Variants in USH1C observed in about 807,000 individuals in gnomAD.
USH1C encodes the protein harmonin.
Under a neutral mutation model 119.3 loss-of-function variants are expected in USH1C, and 90 were observed. That is an observed-to-expected ratio of 0.75 (90% confidence interval 0.64 to 0.90). USH1C has a LOEUF of 0.90. USH1C is among the 40% of genes least tolerant of loss of function. The probability of loss-of-function intolerance (pLI) is 0.00; values close to 1 mark genes in which losing one functional copy is unlikely to be tolerated. For missense variants in USH1C, 1,165 were observed against 1,167.7 expected (o/e 1.00, Z 0.03); for synonymous variants, 465 against 443.3 (o/e 1.05, Z -0.62).
chr11:17,510,099 T>A (rs927051752), intron 17 of USH1C, among the ~76,000 whole-genome samples: 1 of 152,132 alleles, frequency 6.6e-6, no homozygotes, highest in African/African-American at 2.4e-5. Context: ...CAGAGTTCAT[T>A]CTCTAAACTG....
At chr11:17,510,825 T>C (rs1427383154) in intron 16 of USH1C, among the ~76,000 whole-genome samples, 1 of 152,184 alleles carries the variant, frequency 6.6e-6, no homozygotes, top group Non-Finnish European at 1.5e-5. Flanking sequence ...TCTTATGATT[T>C]TCCAAGAATG....
chr11:17,526,710 G>C lies in USH1C; in HGVS notation c.579+43C>G, dbSNP rs761920271. ...TCAGGACCGGCCACCCCTCCTTGAA[G>C]ATGACCCCACCCAAACCCCATCACA... On this transcript the variant is annotated intron_variant, in intron 7 of 26. Transcript: ENST00000005226. 1.9e-6 allele frequency: 3 copies of C among 1,601,422 alleles called. No individual in the cohort carries two copies. In the South Asian group the frequency reaches 3.3e-5, roughly 18 times the overall value.
intron 2 of USH1C, among the ~76,000 whole-genome samples, chr11:17,532,525 C>T (rs1468937843): frequency 6.6e-6 from 1 of 152,110 alleles, no homozygotes; most frequent in African/African-American, 2.4e-5. Context: ...GTCTCTAACT[C>T]TTAGGCTCAA....
At chr11:17,504,464 T>C (rs1849562324) in intron 20 of USH1C, among the ~76,000 whole-genome samples, 183 bp downstream of exon 20, 1 of 152,146 alleles carries the variant, frequency 6.6e-6, no homozygotes, top group Non-Finnish European at 1.5e-5. Flanking sequence ...GGTCCCCATC[T>C]GATATGATAT....
intron 17 of USH1C, 115 bp from the exon 18 acceptor site, chr11:17,509,953 C>T (rs1331196543): frequency 7.8e-6 from 10 of 1,283,360 alleles, no homozygotes; most frequent in East Asian, 7.1e-5. Flanking sequence ...AGACCCACCA[C>T]CCTTACATCA....
At chr11:17,495,473 A>G (rs536064807) in intron 26 of USH1C, 96 bp downstream of exon 26, 10 of 1,276,822 alleles carry the variant, frequency 7.8e-6, no homozygotes, top group Non-Finnish European at 9.1e-6. Context: ...TACCCTCCAG[A>G]CGCCAGTCCA....
rs1452856374 is a variant in USH1C, at chr11:17,509,827, C to A, written c.1542G>T (p.Gly514=). 4.4e-6 allele frequency: 7 copies of A among 1,594,940 alleles called. No homozygotes were observed. The East Asian group carries it at 1.6e-4, about 36-fold the overall frequency. ...ACACAGAAGGCGGGGGAGGCGGGGG[C>A]CCTGTGGTCATCTGGGGGTGTTGCA... ...ADNEISEMTT[G]PPPPPPSVSP... The change falls in exon 18 of 27, where the codon GGG becomes GGT. Residue 514 remains glycine (G), a synonymous_variant. Transcript: ENST00000005226.
Position 17,509,487 on chromosome 11 carries a change from C to A in USH1C, c.1882G>T (p.Glu628Ter). 1 of 1,595,868 alleles carries A rather than the reference C, an allele frequency of 6.3e-7. No homozygotes were observed. Among genetic ancestry groups the A allele is most frequent in the African/African-American group, 1.4e-5 (1 of 72,458 alleles). Reference protein sequence around the residue: ...PTRPLPSALEEALSNHPFRTG... With the variant: ...PTRPLPSALE ...CGGAAGGGATGGTTGCTCAGTGCTT[C>A]TTCCAGCGCCGAGGGCAGTGGGCGG... is the stretch of plus-strand genomic sequence containing the variant. The change falls in exon 18 of 27, where the codon GAA becomes TAA. Residue 628 changes from glutamate (E) to a stop codon, truncating the protein, a stop_gained. Transcript: ENST00000005226. LOFTEE classifies it high-confidence loss of function.
chr11:17,540,689 G>A (rs528937740), intron 1 of USH1C, among the ~76,000 whole-genome samples: 13 of 152,126 alleles, frequency 8.5e-5, no homozygotes, highest in Non-Finnish European at 1.5e-4. Context: ...TTCTACGCTC[G>A]CAGCCAATCC....
At chr11:17,505,720 A>G in intron 19 of USH1C, 110 bp downstream of exon 19, 1 of 1,508,184 alleles carries the variant, frequency 6.6e-7, no homozygotes, top group Non-Finnish European at 9.1e-7. Context: ...GGCATCTGTG[A>G]TCTGCATTTT....
intron 4 of USH1C, among the ~76,000 whole-genome samples, chr11:17,530,090 A>G (rs1850890642): frequency 6.6e-6 from 1 of 152,258 alleles, no homozygotes. Context: ...GGTGTCTGTC[A>G]GCTCCCTGTT....
chr11:17,500,569 C>A (rs79133938), intron 23 of USH1C, among the ~76,000 whole-genome samples: 1,774 of 152,274 alleles, frequency 0.012, 36 homozygotes, highest in African/African-American at 0.041. Flanking sequence ...GGCAAGGTTT[C>A]GGGGGTTTCC....
chr11:17,517,549 A>C, intron 14 of USH1C: 3 of 1,449,644 alleles, frequency 2.1e-6, no homozygotes, highest in Non-Finnish European at 2.8e-6. Flanking sequence ...GAACCTTCTC[A>C]GGAGTTTGGG....
chr11:17,520,033 G>A (rs990722319), intron 14 of USH1C, among the ~76,000 whole-genome samples: 2 of 152,202 alleles, frequency 1.3e-5, no homozygotes, highest in Non-Finnish European at 2.9e-5. Context: ...CAATCAGCTG[G>A]AGTAGGACCT....
intron 22 of USH1C, 82 bp from the exon 23 acceptor site, chr11:17,501,232 A>G (rs1849431207): frequency 8.2e-7 from 1 of 1,222,452 alleles, no homozygotes; most frequent in Non-Finnish European, 1.2e-6. Context: ...CTCTTGACAG[A>G]GCCACAGTAA....
chr11:17,500,446 G>T (rs999944538), intron 23 of USH1C, among the ~76,000 whole-genome samples: 1 of 152,216 alleles, frequency 6.6e-6, no homozygotes, highest in Non-Finnish European at 1.5e-5. Context: ...TGAGGATTAA[G>T]TGAGTTAATA....
intron 14 of USH1C, among the ~76,000 whole-genome samples, chr11:17,519,630 A>G (rs1169982297): frequency 1.3e-5 from 2 of 152,226 alleles, no homozygotes; most frequent in African/African-American, 4.8e-5. Flanking sequence ...TGTCTAAAAC[A>G]GCGATCATTC....
In USH1C at chr11:17,522,804, C is replaced by G; in HGVS notation, c.999G>C (p.Glu333Asp). ...LAMESNKILQ[E>D]QQEMERQRRK... ...CTCACTGCCGCTCCATCTCCTGCTG[C>G]TCCTGGAGGATCTTGTTGGACTCCA... is the stretch of plus-strand genomic sequence containing the variant. Residue 333 changes from glutamate to aspartate, a missense_variant, in exon 12 of 27, where the codon GAG becomes GAC. Glu to Asp is a conservative substitution (Grantham distance 45). Transcript: ENST00000005226. 6.2e-7 allele frequency: 1 copy of G among 1,614,046 alleles called. No individual in the cohort carries two copies. Among genetic ancestry groups the G allele is most frequent in the Non-Finnish European group, 8.5e-7 (1 of 1,180,004 alleles).
At chr11:17,502,585 G>A (rs1181664256) in intron 20 of USH1C, among the ~76,000 whole-genome samples, 1 of 152,240 alleles carries the variant, frequency 6.6e-6, no homozygotes, top group Non-Finnish European at 1.5e-5. Flanking sequence ...GAAGGTAAGA[G>A]GCCTCCCCAG....
Sources: allele counts gnomAD v4.1 joint callset (sites outside exome capture counted in the v4.1 genomes callset), GRCh38; gene constraint gnomAD v4.1.1; transcripts MANE v1.5; gene names NCBI Gene and HGNC (gene_info 2026-07-23, HGNC 2026-07-21).